Variants in ANKRD62 observed in about 807,000 individuals in gnomAD.
ANKRD62 encodes ankyrin repeat domain 62.
ANKRD62 carries 61 observed loss-of-function variants against 98.8 expected under a neutral mutation model. The observed-to-expected ratio is 0.62, with a 90% CI of 0.50 to 0.76. ANKRD62 has a LOEUF of 0.76. Ranked by LOEUF, ANKRD62 falls within the 30% of genes least tolerant of loss-of-function variation. The probability of loss-of-function intolerance (pLI) is 0.00; values close to 1 mark genes in which losing one functional copy is unlikely to be tolerated. For missense variants in ANKRD62, 933 were observed against 1,082.9 expected (o/e 0.86, Z 1.94); for synonymous variants, 341 against 367.9 (o/e 0.93, Z 0.84).
the ANKRD62 span, among the ~76,000 whole-genome samples, chr18:12,179,531 A>G: frequency 1.9e-4 from 29 of 150,668 alleles, no homozygotes; most frequent in Non-Finnish European, 3.7e-4. Context: ...TATGTCCTTT[A>G]AAACATTTCT....
the ANKRD62 span, among the ~76,000 whole-genome samples, chr18:12,145,446 A>T: frequency 1.3e-5 from 2 of 152,262 alleles, no homozygotes; most frequent in South Asian, 4.1e-4. Flanking sequence ...AAAAATAGTC[A>T]ACGAGGGGCT....
chr18:12,135,814 T>G, the ANKRD62 span, among the ~76,000 whole-genome samples: 302 of 152,344 alleles, frequency 2.0e-3, 1 homozygote, highest in Non-Finnish European at 3.1e-3. Context: ...CATTTTTTCA[T>G]GTGTTTTTTG....
chr18:12,173,215 C>T, the ANKRD62 span, among the ~76,000 whole-genome samples: 3 of 152,304 alleles, frequency 2.0e-5, no homozygotes, highest in African/African-American at 7.2e-5. Flanking sequence ...TGGAGCTGTT[C>T]CTATTCAGCC....
intron 10 of ANKRD62, among the ~76,000 whole-genome samples, chr18:12,120,561 G>A (rs1909762734): frequency 6.6e-6 from 1 of 152,080 alleles, no homozygotes; most frequent in Admixed American, 6.5e-5. Flanking sequence ...ATGTAATTGG[G>A]TATTGCTTTC....
chr18:12,094,303 G>T, intron 1 of ANKRD62, 68 bp downstream of exon 1: 1 of 1,316,846 alleles, frequency 7.6e-7, no homozygotes, highest in Non-Finnish European at 9.9e-7. Context: ...TGGTTTCGGG[G>T]TAGGGGAGAT....
the ANKRD62 span, among the ~76,000 whole-genome samples, chr18:12,175,464 G>A: frequency 4.0e-4 from 61 of 152,006 alleles, no homozygotes; most frequent in Non-Finnish European, 7.2e-4. Flanking sequence ...AGCAAAACCC[G>A]TCCCCACAGA....
the ANKRD62 span, among the ~76,000 whole-genome samples, chr18:12,141,470 G>C: frequency 6.6e-6 from 1 of 152,022 alleles, no homozygotes; most frequent in Non-Finnish European, 1.5e-5. Context: ...CTCTTGTATT[G>C]TGTTACTCAA....
chr18:12,181,050 A>C, the ANKRD62 span, among the ~76,000 whole-genome samples: 57,069 of 146,592 alleles, frequency 0.39, 11,143 homozygotes, highest in East Asian at 0.76. Flanking sequence ...TAAAACAATT[A>C]TTTATGGACT....
chr18:12,095,265 A>C lies in ANKRD62; in HGVS notation c.313A>C (p.Asn105His), dbSNP rs1356224661. 3 of 1,540,098 alleles carry C rather than the reference A, an allele frequency of 1.9e-6. No homozygotes were observed. In the East Asian group the frequency reaches 7.3e-5, roughly 38 times the overall value. ...KCQLNLTDSE[N>H]RTALIKAVQC... ...CCAGCTTAACCTCACTGACAGTGAA[A>C]ACAGGACAGCTCTGATCAAGGTATA... Residue 105 changes from asparagine (N) to histidine (H), a missense_variant, in exon 2 of 14, where the codon AAC becomes CAC. Coordinates refer to ENST00000587848, the MANE Select transcript of ANKRD62 (RefSeq NM_001277333.2).
At chr18:12,104,453 C>A (rs1909371301) in intron 7 of ANKRD62, among the ~76,000 whole-genome samples, 1 of 152,038 alleles carries the variant, frequency 6.6e-6, no homozygotes, top group South Asian at 2.1e-4. Flanking sequence ...AATGTCTCAA[C>A]AAACAGAAGT....
In ANKRD62 at chr18:12,099,590, G is replaced by C. The variant is rs1909254972; in HGVS notation, c.753-25G>C. The C allele has an allele frequency of 2.9e-6, 4 of 1,401,126 alleles. No homozygotes were observed. The African/African-American group carries it at 5.8e-5, about 20-fold the overall frequency. 86.8% of individuals were successfully genotyped at this position (1,401,126 alleles called of 1,614,324 possible). On this transcript the variant is annotated intron_variant, in intron 5 of 13. Coordinates refer to ENST00000587848, the MANE Select transcript of ANKRD62 (RefSeq NM_001277333.2). ...TCATATCAGTATTAAAATAGTAATT[G>C]TATTTACTGCATTTTGATACATAGC...
At chr18:12,141,076 G>A in the ANKRD62 span, among the ~76,000 whole-genome samples, 21 of 152,288 alleles carry the variant, frequency 1.4e-4, no homozygotes, top group Non-Finnish European at 2.6e-4. Flanking sequence ...CGCCAGCCTC[G>A]CTGCCGCCTT....
Position 12,122,308 on chromosome 18 carries a change from G to GTT in ANKRD62, c.1247_1248dup (p.Ser417LeufsTer17). The GTT allele has an allele frequency of 6.5e-7, 1 of 1,533,310 alleles. No homozygotes were observed. Among genetic ancestry groups the GTT allele is most frequent in the Non-Finnish European group, 8.7e-7 (1 of 1,146,120 alleles). 95.0% of individuals were successfully genotyped at this position (1,533,310 alleles called of 1,614,324 possible). ...TTGTCTTCTCCTGGTAACAGATTTT[G>GTT]TTAGCCTATCGAAAAGCAAGAATGC... On this transcript the variant is annotated frameshift_variant, in exon 11 of 14. Transcript: ENST00000587848. LOFTEE classifies it high-confidence loss of function.
At chr18:12,104,900 G>A (rs1329603860) in intron 7 of ANKRD62, among the ~76,000 whole-genome samples, 1 of 152,142 alleles carries the variant, frequency 6.6e-6, no homozygotes, top group Non-Finnish European at 1.5e-5. Flanking sequence ...AAAGTATACT[G>A]TGAAAATAGT....
At position 12,125,897 on chromosome 18, in the gene ANKRD62, A is replaced by G. The variant is rs575055308; in HGVS notation, c.2076A>G (p.Gln692=). The G allele has an allele frequency of 4.5e-6, 7 of 1,541,900 alleles. No homozygotes were observed. In the African/African-American group the frequency reaches 9.6e-5, roughly 21 times the overall value. Residue 692 remains glutamine (Q), a synonymous_variant, in exon 13 of 14, where the codon CAA becomes CAG. Coordinates refer to ENST00000587848, the MANE Select transcript of ANKRD62 (RefSeq NM_001277333.2). ...QSTVNEWCHL[Q]EDTNSHIQIL... ...CAGTGAATGAATGGTGTCATTTACA[A>G]GAAGACACTAATTCTCACATTCAGA...
chr18:12,138,169 T>C, the ANKRD62 span, among the ~76,000 whole-genome samples: 3 of 152,172 alleles, frequency 2.0e-5, no homozygotes, highest in Non-Finnish European at 4.4e-5. Context: ...TCCTGCTTTC[T>C]CTTGTGGGCA....
chr18:12,122,471 C>G lies in ANKRD62; in HGVS notation c.1409C>G (p.Ser470Ter). The stretch of plus-strand genomic sequence containing the variant: ...GAAACAGACAAAACCAAATCACAGT[C>G]AGAGCATCAGAATCTTCAAGGGAAA... ...LSETDKTKSQSEHQNLQGKKK... is the reference protein window; with the variant it reads ...LSETDKTKSQ The change falls in exon 11 of 14, where the codon TCA becomes TGA. Residue 470 changes from serine to a stop codon, truncating the protein, a stop_gained. Coordinates refer to ENST00000587848, the MANE Select transcript of ANKRD62 (RefSeq NM_001277333.2). LOFTEE classifies it high-confidence loss of function. The G allele has an allele frequency of 2.0e-6, 3 of 1,533,078 alleles. No individual in the cohort carries two copies. Among genetic ancestry groups the G allele is most frequent in the Non-Finnish European group, 2.6e-6 (3 of 1,145,828 alleles). 95.0% of individuals were successfully genotyped at this position (1,533,078 alleles called of 1,614,324 possible).
the ANKRD62 span, among the ~76,000 whole-genome samples, chr18:12,154,912 T>G: frequency 6.6e-6 from 1 of 152,116 alleles, no homozygotes; most frequent in Non-Finnish European, 1.5e-5. Flanking sequence ...AGTGGGAGCC[T>G]AATGATGAGA....
At chr18:12,146,291 C>T in the ANKRD62 span, among the ~76,000 whole-genome samples, 1 of 152,210 alleles carries the variant, frequency 6.6e-6, no homozygotes, top group South Asian at 2.1e-4. Flanking sequence ...CTCTGTGGGA[C>T]TTTCCAGGAG....
Sources: gnomAD v4.1 joint callset for allele counts (sites outside exome capture counted in the v4.1 genomes callset) on GRCh38, gnomAD v4.1.1 for gene constraint, MANE v1.5 for transcripts, NCBI Gene and HGNC (gene_info 2026-07-23, HGNC 2026-07-21) for gene names.